Variants in FOCAD observed in about 807,000 individuals in gnomAD.
FOCAD encodes the protein focadhesin.
A neutral mutation model predicts 225.6 loss-of-function variants in FOCAD; 198 were observed. The ratio of observed to expected loss-of-function variants is 0.88; its 90% confidence interval spans 0.78 to 0.99. FOCAD has a LOEUF of 0.99. FOCAD is among the 50% of genes least tolerant of loss of function. The pLI is 0.00. For synonymous variants in FOCAD, 897 were observed against 755.0 expected, an observed-to-expected ratio of 1.19 and a Z score of -3.08; for missense variants, 2,713 against 2,123.6, an observed-to-expected ratio of 1.28 and a Z score of -5.46.
chr9:20,712,815 C>A (rs1165220735), intron 1 of FOCAD, among the ~76,000 whole-genome samples: 1 of 143,130 alleles, frequency 7.0e-6, no homozygotes, highest in Non-Finnish European at 1.5e-5. Flanking sequence ...TTATTGCAAC[C>A]TCCACCTCCC....
chr9:20,801,829 G>A (rs975829512), intron 11 of FOCAD, among the ~76,000 whole-genome samples: 4 of 152,102 alleles, frequency 2.6e-5, no homozygotes, highest in African/African-American at 4.8e-5. Context: ...TGAAATGATG[G>A]GTTATGATTT....
At chr9:20,917,264 A>C (rs1347510964) in intron 24 of FOCAD, among the ~76,000 whole-genome samples, 3 of 152,162 alleles carry the variant, frequency 2.0e-5, no homozygotes, top group African/African-American at 7.2e-5. Context: ...GGGATTAAAA[A>C]AAAAAAGAAA....
chr9:20,878,222 C>T (rs1270682188), intron 19 of FOCAD, among the ~76,000 whole-genome samples: 1 of 152,102 alleles, frequency 6.6e-6, no homozygotes, highest in Non-Finnish European at 1.5e-5. Context: ...AAATACATAG[C>T]ATAGCAAGTT....
intron 15 of FOCAD, among the ~76,000 whole-genome samples, chr9:20,854,527 C>T (rs549960146): frequency 1.6e-4 from 24 of 151,876 alleles, no homozygotes; most frequent in East Asian, 5.8e-4. Flanking sequence ...GACTTTAAAA[C>T]GTGCTCTTCC....
chr9:20,973,728 T>A (rs1225514083), intron 35 of FOCAD, among the ~76,000 whole-genome samples: 1 of 151,324 alleles, frequency 6.6e-6, no homozygotes, highest in Non-Finnish European at 1.5e-5. Flanking sequence ...CAGCATCTGT[T>A]CATGGCCTCT....
At chr9:20,955,152 A>C (rs1353081294) in intron 35 of FOCAD, among the ~76,000 whole-genome samples, 1 of 152,202 alleles carries the variant, frequency 6.6e-6, no homozygotes, top group Non-Finnish European at 1.5e-5. Context: ...AATAATGCTT[A>C]GCATAGGCAG....
At chr9:20,863,523 A>T (rs1179748910) in intron 16 of FOCAD, 1 of 152,148 alleles carries the variant, frequency 6.6e-6, no homozygotes, top group Non-Finnish European at 1.5e-5. Flanking sequence ...AATACCTATC[A>T]CAGTACCTGG....
At chr9:20,796,526 A>G (rs1415544699) in intron 11 of FOCAD, among the ~76,000 whole-genome samples, 2 of 152,154 alleles carry the variant, frequency 1.3e-5, no homozygotes, top group Non-Finnish European at 2.9e-5. Flanking sequence ...GTGAGATGGT[A>G]TCTTATTGTG....
intron 15 of FOCAD, among the ~76,000 whole-genome samples, chr9:20,834,938 A>G (rs1449670296): frequency 6.6e-6 from 1 of 152,104 alleles, no homozygotes; most frequent in African/African-American, 2.4e-5. Context: ...TGAAGTGAGA[A>G]TTTTTGGATG....
At chr9:20,952,628 A>T (rs1837787916) in intron 34 of FOCAD, 1 of 278,908 alleles carries the variant, frequency 3.6e-6, no homozygotes. Flanking sequence ...GAAGCTCGGC[A>T]GACTCGTTGC....
At chr9:20,898,982 G>A (rs150433841) in intron 21 of FOCAD, among the ~76,000 whole-genome samples, 1,629 of 151,832 alleles carry the variant, frequency 0.011, 19 homozygotes, top group Middle Eastern at 0.045. Flanking sequence ...TTCCTTAGGT[G>A]GGATAGGATG....
At chr9:20,969,776 T>C (rs1839603574) in intron 35 of FOCAD, among the ~76,000 whole-genome samples, 2 of 151,304 alleles carry the variant, frequency 1.3e-5, no homozygotes, top group Admixed American at 1.3e-4. Context: ...TAATTACCTT[T>C]ACCAGAATTC....
chr9:20,762,479 A>G lies in FOCAD; in HGVS notation c.495-2390A>G, dbSNP rs561918502. On this transcript the variant is annotated intron_variant, in intron 6 of 43. Transcript: ENST00000338382. ...TTCTTGTTTTGTTTCCATCATGTAG[A>G]TGAGTGAGGTATACTGTAGGTGATC... Among the ~76,000 whole-genome samples, 15 of 152,326 alleles carry G rather than the reference A, an allele frequency of 9.8e-5. No individual in the cohort carries two copies. In the South Asian group the frequency reaches 3.1e-3, roughly 32 times the overall value.
At chr9:20,711,908 C>G (rs575533917) in intron 1 of FOCAD, among the ~76,000 whole-genome samples, 4 of 152,198 alleles carry the variant, frequency 2.6e-5, no homozygotes, top group South Asian at 4.1e-4. Flanking sequence ...GCAGAGTGGA[C>G]AGAGGAACAG....
intron 1 of FOCAD, among the ~76,000 whole-genome samples, chr9:20,690,529 G>T (rs954942208): frequency 2.0e-5 from 3 of 152,048 alleles, no homozygotes; most frequent in African/African-American, 7.3e-5. Context: ...ACTTTTCTGA[G>T]AAGTTACTTT....
intron 18 of FOCAD, 65 bp from the exon 19 acceptor site, chr9:20,874,616 C>T (rs762750844): frequency 3.2e-6 from 5 of 1,539,478 alleles, no homozygotes; most frequent in Admixed American, 2.0e-5. Flanking sequence ...AAAAAGGATA[C>T]AGAAAAGATT....
chr9:20,833,131 A>G (rs1436492615), intron 15 of FOCAD, among the ~76,000 whole-genome samples: 1 of 152,058 alleles, frequency 6.6e-6, no homozygotes, highest in Non-Finnish European at 1.5e-5. Flanking sequence ...CCAATAGTGT[A>G]ATAGGGTTCC....
Position 20,820,420 on chromosome 9 carries a change from A to G in FOCAD, c.1657A>G (p.Lys553Glu). ...TLRLLTSLWE[K>E]QDRVYPELQR... ...GCGCTTGCTGACATCTTTGTGGGAA[A>G]AGCAGGTAATTTCAGATATACACTT... The change falls in exon 13 of 44, where the codon AAG (lysine) becomes GAG (glutamate). Residue 553 changes from lysine to glutamate, a missense_variant. Lys to Glu is a moderately conservative substitution (Grantham distance 56). Coordinates refer to ENST00000338382, the MANE Select transcript of FOCAD (RefSeq NM_001375567.1). The G allele has an allele frequency of 6.2e-7, 1 of 1,612,304 alleles. No homozygotes were observed. The highest frequency in any genetic ancestry group is 8.5e-7 in the Non-Finnish European group (1 of 1,178,982).
intron 7 of FOCAD, 69 bp downstream of exon 7, chr9:20,765,142 G>C: frequency 7.2e-7 from 1 of 1,386,310 alleles, no homozygotes; most frequent in Non-Finnish European, 9.9e-7. Context: ...CATAGACAAA[G>C]TAGTTCTAGA....
Sources: allele counts gnomAD v4.1 joint callset (sites outside exome capture counted in the v4.1 genomes callset), GRCh38; gene constraint gnomAD v4.1.1; transcripts MANE v1.5; gene names NCBI Gene and HGNC (gene_info 2026-07-23, HGNC 2026-07-21).